The following GAB2 variants were observed in gnomAD, a reference collection of about 807,000 sequenced individuals.
GAB2 encodes the protein GRB2-associated-binding protein 2.
Under a neutral mutation model 65.5 loss-of-function variants are expected in GAB2, and 26 were observed. The ratio of observed to expected loss-of-function variants is 0.40; its 90% CI spans 0.29 to 0.55. The LOEUF is 0.55. Ranked by LOEUF, GAB2 falls within the 20% of genes least tolerant of loss-of-function variation. The pLI, the probability that GAB2 is intolerant of heterozygous loss-of-function variation, is 0.53. For synonymous variants in GAB2, 321 were observed against 329.6 expected (o/e 0.97, Z 0.28); for missense variants, 884 against 875.8 (o/e 1.01, Z -0.12).
At chr11:78,407,015 T>A (rs1857054144) in intron 1 of GAB2, among the ~76,000 whole-genome samples, 1 of 151,908 alleles carries the variant, frequency 6.6e-6, no homozygotes, top group African/African-American at 2.4e-5. Flanking sequence ...AATCAGTGAA[T>A]GGGAAAACAG....
intron 1 of GAB2, among the ~76,000 whole-genome samples, chr11:78,321,144 T>A (rs1433659333): frequency 6.6e-6 from 1 of 152,112 alleles, no homozygotes; most frequent in Admixed American, 6.5e-5. Context: ...TTGGATGTCA[T>A]CAGCATATAG....
intron 1 of GAB2, among the ~76,000 whole-genome samples, chr11:78,401,538 G>GTC (rs752493395): frequency 6.7e-5 from 10 of 149,798 alleles, no homozygotes; most frequent in Admixed American, 4.7e-4. Context: ...GTGTGTGTGT[G>GTC]TGTGTGTGTC....
intron 3 of GAB2, among the ~76,000 whole-genome samples, chr11:78,241,695 TG>T (rs1269454717): frequency 7.2e-5 from 11 of 151,790 alleles, no homozygotes; most frequent in Non-Finnish European, 1.6e-4. Flanking sequence ...ACAGCAAACT[TG>T]ATCAATTAGA....
intron 1 of GAB2, among the ~76,000 whole-genome samples, chr11:78,350,151 A>G (rs922358887): frequency 1.3e-5 from 2 of 152,152 alleles, no homozygotes; most frequent in African/African-American, 2.4e-5. Flanking sequence ...CCTATTTCAG[A>G]CCAGCTGTAG....
At chr11:78,255,857 T>C (rs769571862) in intron 2 of GAB2, among the ~76,000 whole-genome samples, 1 of 152,178 alleles carries the variant, frequency 6.6e-6, no homozygotes, top group Non-Finnish European at 1.5e-5. Flanking sequence ...AAACATTTCA[T>C]AGAACAAAAG....
chr11:78,229,593 G>T (rs753554188), intron 3 of GAB2, among the ~76,000 whole-genome samples: 5 of 152,134 alleles, frequency 3.3e-5, no homozygotes, highest in Non-Finnish European at 7.4e-5. Flanking sequence ...TTTCTGCCCA[G>T]GGCCTCTCTG....
chr11:78,382,160 G>A (rs931283111), intron 1 of GAB2, among the ~76,000 whole-genome samples: 12 of 152,078 alleles, frequency 7.9e-5, no homozygotes, highest in Non-Finnish European at 1.8e-4. Context: ...TCAATTAGCT[G>A]TACCCTCCTC....
chr11:78,398,223 C>A (rs532313377), intron 1 of GAB2, among the ~76,000 whole-genome samples: 2 of 152,292 alleles, frequency 1.3e-5, no homozygotes, highest in South Asian at 2.1e-4. Context: ...CGCTGTCTAC[C>A]CGAGAAAATC....
At chr11:78,262,972 A>C (rs1865773337) in intron 2 of GAB2, among the ~76,000 whole-genome samples, 1 of 152,222 alleles carries the variant, frequency 6.6e-6, no homozygotes, top group South Asian at 2.1e-4. Context: ...TATATACTAC[A>C]ACAGCAAAGC....
chr11:78,373,609 GATAAAA>G (rs1042874307), intron 1 of GAB2, among the ~76,000 whole-genome samples: 9 of 152,150 alleles, frequency 5.9e-5, no homozygotes, highest in African/African-American at 2.2e-4. Context: ...TAAACGTAGA[GATAAAA>G]ATAACACATT....
intron 1 of GAB2, among the ~76,000 whole-genome samples, chr11:78,367,136 A>G (rs369187927): frequency 2.7e-4 from 41 of 152,200 alleles, no homozygotes; most frequent in Non-Finnish European, 5.4e-4. Flanking sequence ...GAGGAGCTCC[A>G]AATTGAAAAC....
chr11:78,308,671 A>G (rs531369637), intron 1 of GAB2, among the ~76,000 whole-genome samples: 6 of 152,334 alleles, frequency 3.9e-5, no homozygotes, highest in African/African-American at 1.4e-4. Flanking sequence ...AACTAACAAT[A>G]TTTCTTGAGA....
In GAB2 at chr11:78,272,474, G is replaced by A. The variant is rs532760207; in HGVS notation, c.376+8127C>T. On this transcript the variant is annotated intron_variant, in intron 2 of 9. Transcript: ENST00000361507. Reference sequence around the variant, plus strand: ...AAGAGGCTGGAAGCATTTTACCCCTGCCCTAGAGATTTGTGGAACTTTGAA... The same window carrying A: ...AAGAGGCTGGAAGCATTTTACCCCTACCCTAGAGATTTGTGGAACTTTGAA... Among the ~76,000 whole-genome samples, 9 of 152,306 alleles carry A rather than the reference G, an allele frequency of 5.9e-5. No individual in the cohort carries two copies. The South Asian group carries it at 1.9e-3, about 32-fold the overall frequency.
intron 1 of GAB2, among the ~76,000 whole-genome samples, chr11:78,387,794 T>A (rs1051874200): frequency 6.6e-6 from 1 of 152,178 alleles, no homozygotes; most frequent in Non-Finnish European, 1.5e-5. Context: ...GGATTCAAAT[T>A]CAGTTTATTT....
chr11:78,242,401 T>C (rs977352956), intron 3 of GAB2, among the ~76,000 whole-genome samples: 2 of 151,532 alleles, frequency 1.3e-5, no homozygotes, highest in African/African-American at 2.4e-5. Flanking sequence ...ACACAGGAGG[T>C]TGAGGCAGGA....
intron 2 of GAB2, among the ~76,000 whole-genome samples, chr11:78,275,002 G>A (rs1194134287): frequency 2.0e-5 from 3 of 152,156 alleles, no homozygotes; most frequent in Non-Finnish European, 4.4e-5. Flanking sequence ...CTTTTTAGTG[G>A]GAATTTATGT....
At chr11:78,378,897 C>G (rs1055677083) in intron 1 of GAB2, among the ~76,000 whole-genome samples, 1 of 152,150 alleles carries the variant, frequency 6.6e-6, no homozygotes, top group Admixed American at 6.5e-5. Context: ...ATCACATGCC[C>G]AATCCAAAAT....
At chr11:78,358,441 TAA>T in intron 1 of GAB2, among the ~76,000 whole-genome samples, 1 of 105,852 alleles carries the variant, frequency 9.4e-6, no homozygotes, top group African/African-American at 4.5e-5. Flanking sequence ...ACTTAAAATA[TAA>T]TAATAATAAT....
At chr11:78,316,757 C>T (rs929493142) in intron 1 of GAB2, among the ~76,000 whole-genome samples, 1 of 152,088 alleles carries the variant, frequency 6.6e-6, no homozygotes, top group Non-Finnish European at 1.5e-5. Context: ...ATAGAATTAC[C>T]ATATGATCCA....
Sources: allele counts gnomAD v4.1 joint callset (sites outside exome capture counted in the v4.1 genomes callset), GRCh38; gene constraint gnomAD v4.1.1; transcripts MANE v1.5; gene names NCBI Gene and HGNC (gene_info 2026-07-23, HGNC 2026-07-21).